METTL14: variants seen among roughly 807,000 people sequenced by gnomAD.
METTL14 encodes methyltransferase 14, N6-adenosine-methyltransferase non-catalytic subunit.
A neutral mutation model predicts 62.4 loss-of-function variants in METTL14; 32 were observed. The observed-to-expected ratio is 0.51, with a 90% CI of 0.39 to 0.69. The LOEUF is 0.69. Among genes scored for constraint, METTL14 ranks in the 30% least tolerant of loss-of-function variants. The probability of loss-of-function intolerance (pLI) is 0.00; values close to 1 mark genes in which losing one functional copy is unlikely to be tolerated. For missense variants in METTL14, 340 were observed against 551.9 expected (o/e 0.62, Z 3.85); for synonymous variants, 150 against 180.0 (o/e 0.83, Z 1.34).
chr4:118,699,635 T>C (rs541860351), intron 7 of METTL14, among the ~76,000 whole-genome samples: 1 of 152,332 alleles, frequency 6.6e-6, no homozygotes, highest in Admixed American at 6.5e-5. Flanking sequence ...AGGCAGAATT[T>C]TGTTTTCTCT....
rs1256957897 is a variant in METTL14, at chr4:118,694,539, A to G, written c.503+13A>G. On this transcript the variant is annotated intron_variant, in intron 6 of 10. Coordinates refer to ENST00000388822, the MANE Select transcript of METTL14 (RefSeq NM_020961.4). ...ACACTCCTCCCATGTAAGTGTTTTT[A>G]TTCAATTACTGTTTATTCCCAACTC... is the stretch of plus-strand genomic sequence containing the variant. 4 of 1,580,512 alleles carry G rather than the reference A, an allele frequency of 2.5e-6. No individual in the cohort carries two copies. The highest frequency in any genetic ancestry group is 3.5e-6 in the Non-Finnish European group (4 of 1,150,560).
chr4:118,700,246 C>G (rs1445438544), intron 7 of METTL14, among the ~76,000 whole-genome samples: 1 of 152,100 alleles, frequency 6.6e-6, no homozygotes, highest in African/African-American at 2.4e-5. Context: ...GAGAATCTGT[C>G]TCAAGCTCCA....
chr4:118,699,726 G>C (rs6814447), intron 7 of METTL14, among the ~76,000 whole-genome samples: 43,672 of 151,894 alleles, frequency 0.29, 7,190 homozygotes, highest in Non-Finnish European at 0.37. Flanking sequence ...TTAAAATAAA[G>C]AAATTCTATT....
chr4:118,689,582 G>T, intron 3 of METTL14, 125 bp downstream of exon 3: 1 of 534,508 alleles, frequency 1.9e-6, no homozygotes, highest in South Asian at 2.7e-5. Flanking sequence ...ATTGTCAGTG[G>T]CATATGTTAT....
Position 118,713,222 on chromosome 4 carries a change from C to T in METTL14, c.*2920C>T, listed in dbSNP as rs1466681715. 6.6e-6 allele frequency: 1 copy of T among 152,142 alleles called. No individual in the cohort carries two copies. Among genetic ancestry groups the T allele is most frequent in the East Asian group, 1.9e-4 (1 of 5,198 alleles). 9.4% of individuals were successfully genotyped at this position (152,142 alleles called of 1,614,324 possible). A position where few individuals can be genotyped will look rare whatever the true frequency, so the allele number is the denominator to read the frequency against. On this transcript the variant is annotated 3_prime_UTR_variant, in exon 11 of 11. Transcript: ENST00000388822. The stretch of plus-strand genomic sequence containing the variant: ...TTATGAGCCCTTATTTCCTATCTCC[C>T]TTATTCTGAGGCCAGGTCAGTGATA...
chr4:118,691,666 T>A, intron 4 of METTL14, 54 bp downstream of exon 4: 1 of 857,308 alleles, frequency 1.2e-6, no homozygotes, highest in Non-Finnish European at 1.8e-6. Flanking sequence ...GTTCTATACC[T>A]GAAAAGATTT....
intron 2 of METTL14, 78 bp from the exon 3 acceptor site, chr4:118,689,291 TA>T: frequency 1.4e-6 from 1 of 704,522 alleles, no homozygotes; most frequent in Non-Finnish European, 2.2e-6. Context: ...TCTGTTTTTA[TA>T]ACCTGTTTAT....
chr4:118,688,175 C>T (rs1386552728), intron 2 of METTL14, among the ~76,000 whole-genome samples, 164 bp downstream of exon 2: 1 of 151,868 alleles, frequency 6.6e-6, no homozygotes, highest in Non-Finnish European at 1.5e-5. Flanking sequence ...GCTGAGATTA[C>T]AGATATGAGC....
intron 10 of METTL14, among the ~76,000 whole-genome samples, 182 bp downstream of exon 10, chr4:118,706,003 TA>T (rs1724745406): frequency 6.6e-6 from 1 of 152,218 alleles, no homozygotes; most frequent in Non-Finnish European, 1.5e-5. Context: ...CTTTTCCATA[TA>T]CCTGCTGCCC....
intron 5 of METTL14, 145 bp from the exon 6 acceptor site, chr4:118,694,291 A>C (rs1162314375): frequency 5.2e-6 from 3 of 572,870 alleles, no homozygotes; most frequent in Non-Finnish European, 9.1e-6. Context: ...ATTATTTAAA[A>C]TTATTAGAAG....
intron 5 of METTL14, among the ~76,000 whole-genome samples, chr4:118,693,116 A>G (rs1432872746): frequency 6.6e-6 from 1 of 152,220 alleles, no homozygotes; most frequent in African/African-American, 2.4e-5. Flanking sequence ...CTAACAACGT[A>G]TGATGGTTCC....
intron 2 of METTL14, 61 bp from the exon 3 acceptor site, chr4:118,689,309 T>C (rs1210319834): frequency 1.2e-6 from 1 of 833,612 alleles, no homozygotes; most frequent in Non-Finnish European, 1.9e-6. Context: ...TTATTATTAT[T>C]AATAGATGCA....
At chr4:118,709,403 G>T (rs571212532) in intron 10 of METTL14, among the ~76,000 whole-genome samples, 8 of 152,254 alleles carry the variant, frequency 5.3e-5, no homozygotes, top group African/African-American at 1.9e-4. Context: ...GGGAGGAGAA[G>T]CTATAGGTTG....
Position 118,689,603 on chromosome 4 carries a change from A to C in METTL14, c.243+146A>C, listed in dbSNP as rs1292981777. On this transcript the variant is annotated intron_variant, in intron 3 of 10. Coordinates refer to ENST00000388822, the MANE Select transcript of METTL14 (RefSeq NM_020961.4). ...AGTGGCATATGTTATCACCAGTTAC[A>C]TTAAGACCATTATATCAGTTTTCTT... The C allele has an allele frequency of 1.9e-5, 9 of 473,744 alleles. No homozygotes were observed. In the East Asian group the frequency reaches 3.3e-4, roughly 17 times the overall value. The allele number at this position is 473,744 out of a possible 1,614,324, so 29.3% of individuals were successfully genotyped here.
intron 7 of METTL14, among the ~76,000 whole-genome samples, chr4:118,699,770 A>G (rs1724532123): frequency 6.6e-6 from 1 of 152,168 alleles, no homozygotes; most frequent in South Asian, 2.1e-4. Context: ...GTTTAATTTC[A>G]CTGTACTTCA....
At chr4:118,707,011 TTC>T (rs1724775160) in intron 10 of METTL14, among the ~76,000 whole-genome samples, 1 of 152,204 alleles carries the variant, frequency 6.6e-6, no homozygotes, top group African/African-American at 2.4e-5. Context: ...TGCAAATATT[TTC>T]TCTTATTCGG....
rs1724896496 is a variant in METTL14 at position 118,710,777 on chromosome 4, G to C, written c.*475G>C. On this transcript the variant is annotated 3_prime_UTR_variant, in exon 11 of 11. Coordinates refer to ENST00000388822, the MANE Select transcript of METTL14 (RefSeq NM_020961.4). ...AAGCTTTTTTCTTCTTTTTTTTTAA[G>C]TTTTAAATAAACTCAGATATAATTT... 1 of 151,180 alleles carries C rather than the reference G, an allele frequency of 6.6e-6. No individual in the cohort carries two copies. The highest frequency in any genetic ancestry group is 1.5e-5 in the Non-Finnish European group (1 of 67,940). The allele number at this position is 151,180 out of a possible 1,614,324, so 9.4% of individuals were successfully genotyped here.
intron 7 of METTL14, among the ~76,000 whole-genome samples, chr4:118,698,077 C>T (rs959776151): frequency 1.3e-5 from 2 of 151,962 alleles, no homozygotes; most frequent in African/African-American, 2.4e-5. Context: ...ATTCTGAAGA[C>T]GTTAATAAGT....
At chr4:118,685,771 G>T (rs1403592605) in intron 1 of METTL14, among the ~76,000 whole-genome samples, 171 bp downstream of exon 1, 1 of 152,020 alleles carries the variant, frequency 6.6e-6, no homozygotes, top group African/African-American at 2.4e-5. Context: ...CAATTTTCGC[G>T]GTGTCCCGAA....
Sources: gnomAD v4.1 joint callset for allele counts (sites outside exome capture counted in the v4.1 genomes callset) on GRCh38, gnomAD v4.1.1 for gene constraint, MANE v1.5 for transcripts, NCBI Gene and HGNC (gene_info 2026-07-23, HGNC 2026-07-21) for gene names.